CNBD1: variants seen among roughly 807,000 people sequenced by gnomAD.
CNBD1 encodes cyclic nucleotide-binding domain-containing protein 1.
In CNBD1, 71 loss-of-function variants were observed where a neutral mutation model predicts 54.4. The ratio of observed to expected loss-of-function variants is 1.30; its 90% CI spans 1.08 to 1.59. CNBD1 has a LOEUF of 1.59. Ranked by LOEUF, CNBD1 falls within the 40% of genes most tolerant of loss-of-function variation. The pLI, the probability that CNBD1 is intolerant of heterozygous loss-of-function variation, is 0.00. For synonymous variants in CNBD1, 182 were observed against 170.7 expected, an observed-to-expected ratio of 1.07 and a Z score of -0.51; for missense variants, 659 against 518.0, an observed-to-expected ratio of 1.27 and a Z score of -2.64.
At chr8:87,355,387 T>C (rs574117048) in intron 10 of CNBD1, among the ~76,000 whole-genome samples, 86 of 152,244 alleles carry the variant, frequency 5.6e-4, no homozygotes, top group Non-Finnish European at 7.8e-4. Flanking sequence ...GTATGTAACA[T>C]CCTCAATATT....
intron 4 of CNBD1, among the ~76,000 whole-genome samples, chr8:87,019,091 A>C (rs1224852199): frequency 6.6e-6 from 1 of 151,512 alleles, no homozygotes; most frequent in African/African-American, 2.5e-5. Flanking sequence ...TATATATTTA[A>C]TTTTTCAGAA....
chr8:87,376,763 T>C (rs1312542080), intron 10 of CNBD1, among the ~76,000 whole-genome samples: 1 of 151,932 alleles, frequency 6.6e-6, no homozygotes, highest in Non-Finnish European at 1.5e-5. Context: ...AACAAAGGCT[T>C]ATAAAGCATA....
In CNBD1 at chr8:87,303,168, T is replaced by G. The variant is rs142378144; in HGVS notation, c.1042+16497T>G. Among the ~76,000 whole-genome samples the G allele has an allele frequency of 6.6e-5, 10 of 150,660 alleles. No homozygotes were observed. The East Asian group carries it at 1.2e-3, about 17-fold the overall frequency. On this transcript the variant is annotated intron_variant, in intron 8 of 10. Coordinates refer to ENST00000518476, the MANE Select transcript of CNBD1 (RefSeq NM_173538.3). ...GTTCATATGGAGCCAAAAAAGAGCC[T>G]GCATTGCCAAGTCAATCCTAAGCCA...
intron 1 of CNBD1, among the ~76,000 whole-genome samples, chr8:86,869,080 G>C (rs1173001510): frequency 6.6e-6 from 1 of 152,186 alleles, no homozygotes; most frequent in Non-Finnish European, 1.5e-5. Flanking sequence ...CTCCCCTAGC[G>C]TCTCCAGAAG....
intron 8 of CNBD1, among the ~76,000 whole-genome samples, chr8:87,349,371 G>C (rs1810236254): frequency 6.6e-6 from 1 of 152,116 alleles, no homozygotes; most frequent in Admixed American, 6.6e-5. Context: ...TCTTATTTAA[G>C]TGTGAAGATA....
At chr8:87,278,427 G>A (rs1808527309) in intron 6 of CNBD1, among the ~76,000 whole-genome samples, 1 of 151,266 alleles carries the variant, frequency 6.6e-6, no homozygotes, top group African/African-American at 2.4e-5. Context: ...AGTCAAAGTA[G>A]ACAAAAAAGA....
chr8:87,015,368 G>A (rs1221815893), intron 4 of CNBD1, among the ~76,000 whole-genome samples: 1 of 151,920 alleles, frequency 6.6e-6, no homozygotes, highest in Non-Finnish European at 1.5e-5. Flanking sequence ...TGTATTTTTA[G>A]TAGAGACAGG....
At chr8:87,392,350 C>T (rs1219520028) in intron 2 of CNBD1, among the ~76,000 whole-genome samples, 1 of 151,814 alleles carries the variant, frequency 6.6e-6, no homozygotes, top group Non-Finnish European at 1.5e-5. Context: ...AAATCTTGTA[C>T]ATGAATTAAA....
rs559155257 is a variant in CNBD1 at position 87,412,918 on chromosome 8, G to C, written c.214-15628G>C. Reference sequence around the variant, plus strand: ...TAGAGAAAAAGTCAATTATGAATTTGTCTCAGGGTAGGTGGAGGGATGATT... The same window carrying C: ...TAGAGAAAAAGTCAATTATGAATTTCTCTCAGGGTAGGTGGAGGGATGATT... On this transcript the variant is annotated intron_variant, in intron 2 of 7. Coordinates refer to the CNBD1 transcript ENST00000521593. Among the ~76,000 whole-genome samples the C allele has an allele frequency of 7.0e-4, 107 of 152,176 alleles. 1 individual carries two copies. The highest frequency in any genetic ancestry group is 2.5e-3 in the African/African-American group (105 of 41,560).
intron 4 of CNBD1, among the ~76,000 whole-genome samples, chr8:87,147,538 G>C (rs1445646218): frequency 3.3e-5 from 5 of 151,844 alleles, no homozygotes; most frequent in African/African-American, 1.2e-4. Context: ...GACTACATTT[G>C]TAAATGTCTT....
At chr8:87,385,254 G>A (rs777675148), downstream of CNBD1, among the ~76,000 whole-genome samples, 27 of 152,154 alleles carry the variant, frequency 1.8e-4, no homozygotes, top group African/African-American at 6.0e-4. Context: ...TCTCACTGGG[G>A]AGTGTTGGAC....
At chr8:87,175,577 G>C (rs1044830723) in intron 4 of CNBD1, among the ~76,000 whole-genome samples, 1 of 152,146 alleles carries the variant, frequency 6.6e-6, no homozygotes, top group Non-Finnish European at 1.5e-5. Flanking sequence ...TTGTAGCTCT[G>C]CCCCCTGAGT....
At chr8:87,096,405 C>A (rs1811322088) in intron 4 of CNBD1, among the ~76,000 whole-genome samples, 1 of 149,628 alleles carries the variant, frequency 6.7e-6, no homozygotes, top group African/African-American at 2.5e-5. Flanking sequence ...CCACCCCCAA[C>A]CTTATGACCT....
chr8:87,367,773 A>T (rs950297694), intron 10 of CNBD1, among the ~76,000 whole-genome samples: 4 of 152,084 alleles, frequency 2.6e-5, no homozygotes, highest in African/African-American at 9.6e-5. Context: ...TCTCTATCGA[A>T]AGGTCATGGG....
At chr8:87,007,334 A>G (rs1251788883) in intron 4 of CNBD1, among the ~76,000 whole-genome samples, 1 of 152,184 alleles carries the variant, frequency 6.6e-6, no homozygotes, top group Non-Finnish European at 1.5e-5. Context: ...ACAAACTATA[A>G]GATATTTACA....
intron 10 of CNBD1, among the ~76,000 whole-genome samples, chr8:87,357,785 G>C (rs1162095399): frequency 6.6e-6 from 1 of 152,152 alleles, no homozygotes; most frequent in African/African-American, 2.4e-5. Flanking sequence ...TGGTAGGCCA[G>C]CAACAGAATG....
intron 4 of CNBD1, among the ~76,000 whole-genome samples, chr8:87,153,781 T>A (rs1812655090): frequency 6.6e-6 from 1 of 152,146 alleles, no homozygotes; most frequent in Non-Finnish European, 1.5e-5. Flanking sequence ...AATGAAATAA[T>A]CAATGGTGAT....
intron 4 of CNBD1, among the ~76,000 whole-genome samples, chr8:87,086,795 G>A (rs1811104345): frequency 6.6e-6 from 1 of 152,068 alleles, no homozygotes; most frequent in African/African-American, 2.4e-5. Flanking sequence ...CTTATAGTAG[G>A]TATTTAGTTT....
At chr8:87,094,872 T>C (rs1235559936) in intron 4 of CNBD1, among the ~76,000 whole-genome samples, 3 of 152,168 alleles carry the variant, frequency 2.0e-5, no homozygotes, top group Non-Finnish European at 2.9e-5. Context: ...ACCCTGTCTC[T>C]ACTAAAAATA....
Sources: allele counts gnomAD v4.1 joint callset (sites outside exome capture counted in the v4.1 genomes callset), GRCh38; gene constraint gnomAD v4.1.1; transcripts MANE v1.5; gene names NCBI Gene and HGNC (gene_info 2026-07-23, HGNC 2026-07-21).